The following SLC24A2 variants were observed in gnomAD, a reference collection of about 807,000 sequenced individuals.
SLC24A2 encodes the protein solute carrier family 24 member 2.
SLC24A2 carries 36 observed loss-of-function variants against 62.0 expected under a neutral mutation model. That is an observed-to-expected ratio of 0.58 (90% confidence interval 0.44 to 0.77). The LOEUF (loss-of-function observed/expected upper bound fraction) is 0.77, where lower values mean the gene tolerates loss of function less well. Among genes scored for constraint, SLC24A2 ranks in the 30% least tolerant of loss-of-function variants. SLC24A2 has a pLI of 0.00. For synonymous variants in SLC24A2, 358 were observed against 294.0 expected (o/e 1.22, Z -2.23); for missense variants, 846 against 817.9 (o/e 1.03, Z -0.42).
At chr9:20,258,347 A>G in the SLC24A2 span, among the ~76,000 whole-genome samples, 1 of 152,234 alleles carries the variant, frequency 6.6e-6, no homozygotes, top group Non-Finnish European at 1.5e-5. Context: ...TTGGCATTTG[A>G]TTAGAATGAT....
At chr9:20,147,605 A>G in the SLC24A2 span, among the ~76,000 whole-genome samples, 1 of 152,158 alleles carries the variant, frequency 6.6e-6, no homozygotes, top group African/African-American at 2.4e-5. Flanking sequence ...CATAGGCTTC[A>G]ACCCTTAACC....
chr9:19,757,685 T>C (rs922324927), intron 2 of SLC24A2, among the ~76,000 whole-genome samples: 48 of 152,182 alleles, frequency 3.2e-4, no homozygotes, highest in African/African-American at 1.1e-3. Flanking sequence ...AAAGACATAC[T>C]ACTATCATTT....
At chr9:20,277,084 C>T in the SLC24A2 span, among the ~76,000 whole-genome samples, 2 of 152,188 alleles carry the variant, frequency 1.3e-5, no homozygotes, top group East Asian at 3.9e-4. Context: ...CAAATTTCTG[C>T]CGCCAGCTTG....
At chr9:20,163,104 C>G in the SLC24A2 span, among the ~76,000 whole-genome samples, 14 of 152,234 alleles carry the variant, frequency 9.2e-5, 1 homozygote, top group South Asian at 2.7e-3. Flanking sequence ...AACTCCTATT[C>G]AACATAGTGT....
chr9:19,721,077 T>C (rs1368509142), intron 2 of SLC24A2, among the ~76,000 whole-genome samples: 3 of 152,216 alleles, frequency 2.0e-5, no homozygotes, highest in South Asian at 2.1e-4. Flanking sequence ...ATGGTAACAA[T>C]TACCTTTTAT....
At chr9:20,192,008 A>C in the SLC24A2 span, among the ~76,000 whole-genome samples, 1 of 152,186 alleles carries the variant, frequency 6.6e-6, no homozygotes, top group Non-Finnish European at 1.5e-5. Context: ...AACCAAACCA[A>C]AGCAAATAAG....
At chr9:20,280,367 T>C in the SLC24A2 span, among the ~76,000 whole-genome samples, 3 of 152,138 alleles carry the variant, frequency 2.0e-5, no homozygotes, top group African/African-American at 4.8e-5. Flanking sequence ...AACCTCTAGA[T>C]TGAAGCAGCT....
At chr9:20,238,231 G>A in the SLC24A2 span, among the ~76,000 whole-genome samples, 1 of 152,280 alleles carries the variant, frequency 6.6e-6, no homozygotes, top group Non-Finnish European at 1.5e-5. Context: ...TCCACTCTAA[G>A]AGGCTGAAGT....
intron 7 of SLC24A2, among the ~76,000 whole-genome samples, chr9:19,565,742 G>A (rs191198884): frequency 0.055 from 8,326 of 152,112 alleles, 751 homozygotes; most frequent in African/African-American, 0.19. Context: ...AACCAAAACA[G>A]CATGGTACTG....
chr9:19,612,110 G>C (rs1235617045), intron 4 of SLC24A2, among the ~76,000 whole-genome samples: 4 of 152,110 alleles, frequency 2.6e-5, no homozygotes, highest in Admixed American at 2.0e-4. Context: ...TGAGAGAATT[G>C]AGTGAGATAA....
At chr9:20,102,597 CA>C in the SLC24A2 span, among the ~76,000 whole-genome samples, 525 of 151,240 alleles carry the variant, frequency 3.5e-3, 1 homozygote, top group Non-Finnish European at 5.8e-3. Context: ...ACCTTTGAAA[CA>C]AACCTGCACA....
chr9:20,104,879 G>A, the SLC24A2 span, among the ~76,000 whole-genome samples: 1 of 152,154 alleles, frequency 6.6e-6, no homozygotes. Context: ...TGGACTAAAT[G>A]CTCCAATTAA....
the SLC24A2 span, among the ~76,000 whole-genome samples, chr9:20,042,028 G>C: frequency 1.3e-5 from 2 of 152,256 alleles, no homozygotes; most frequent in Non-Finnish European, 2.9e-5. Context: ...CTGTGGTGGG[G>C]AGCCTGTCAT....
At chr9:20,007,610 T>G in the SLC24A2 span, among the ~76,000 whole-genome samples, 1 of 152,138 alleles carries the variant, frequency 6.6e-6, no homozygotes, top group South Asian at 2.1e-4. Flanking sequence ...AAAATCTGAA[T>G]GCAATGGGGA....
At chr9:20,302,415 C>T in the SLC24A2 span, among the ~76,000 whole-genome samples, 1 of 152,160 alleles carries the variant, frequency 6.6e-6, no homozygotes, top group Non-Finnish European at 1.5e-5. Context: ...GTGTTCTGGG[C>T]TTTGGTCATT....
In SLC24A2 at chr9:19,624,992, C is replaced by T. The variant is rs115321901; in HGVS notation, c.931-2693G>A. ...CACGGGAAGTAACTAGTGAAGGTGA[C>T]AAAGAAATGATTTTAATGTGTATAG... is the stretch of plus-strand genomic sequence containing the variant. On this transcript the variant is annotated intron_variant, in intron 2 of 10. Transcript: ENST00000341998. Among the ~76,000 whole-genome samples, 1,454 of 152,226 alleles carry T rather than the reference C, an allele frequency of 9.6e-3. 21 individuals are homozygous for T. The highest frequency in any genetic ancestry group is 0.033 in the African/African-American group (1,369 of 41,524).
chr9:19,956,252 A>T, the SLC24A2 span, among the ~76,000 whole-genome samples: 13 of 152,364 alleles, frequency 8.5e-5, no homozygotes, highest in African/African-American at 2.9e-4. Context: ...AAAGTTGTCT[A>T]AACTAGTCAG....
At chr9:20,217,347 G>T in the SLC24A2 span, among the ~76,000 whole-genome samples, 2 of 152,198 alleles carry the variant, frequency 1.3e-5, no homozygotes, top group Non-Finnish European at 1.5e-5. Context: ...TACAAGGAGG[G>T]TAGTGGCACT....
At chr9:19,961,023 G>GTTGT in the SLC24A2 span, among the ~76,000 whole-genome samples, 1 of 141,618 alleles carries the variant, frequency 7.1e-6, no homozygotes, top group African/African-American at 2.7e-5. Context: ...TAGAGGGGTG[G>GTTGT]GTGTGTGTGT....
Sources: allele counts gnomAD v4.1 joint callset (sites outside exome capture counted in the v4.1 genomes callset), GRCh38; gene constraint gnomAD v4.1.1; transcripts MANE v1.5; gene names NCBI Gene and HGNC (gene_info 2026-07-23, HGNC 2026-07-21).